The following SERINC5 variants were observed in gnomAD, a reference collection of about 807,000 sequenced individuals.
SERINC5 encodes serine incorporator 5.
In SERINC5, 41 loss-of-function variants were observed where a neutral mutation model predicts 63.1. The ratio of observed to expected loss-of-function variants is 0.65; its 90% CI spans 0.51 to 0.84. The LOEUF (loss-of-function observed/expected upper bound fraction) is 0.84. SERINC5 is among the 40% of genes least tolerant of loss of function. The pLI, the probability that SERINC5 is intolerant of heterozygous loss-of-function variation, is 0.00. For missense variants in SERINC5, 523 were observed against 573.0 expected (o/e 0.91, Z 0.89); for synonymous variants, 222 against 215.2 (o/e 1.03, Z -0.28).
rs138938982 is a variant in SERINC5 at position 80,113,591 on chromosome 5, G to A, written c.*10C>T. The stretch of plus-strand genomic sequence containing the variant: ...ACTTACAGTTCCACATGGCTGGGGA[G>A]GCCTCAGAATCATGGCAGGAGGTGA... On this transcript the variant is annotated 3_prime_UTR_variant, in exon 12 of 13. Coordinates refer to the SERINC5 transcript ENST00000509193. 1,101 of 274,362 alleles carry A rather than the reference G, an allele frequency of 4.0e-3. 6 individuals are homozygous for A. Among genetic ancestry groups the A allele is most frequent in the African/African-American group, 0.023 (1,015 of 44,420 alleles). The allele number at this position is 274,362 out of a possible 1,614,324, so 17.0% of individuals were successfully genotyped here. A position where few individuals can be genotyped will look rare whatever the true frequency, so the allele number is the denominator to read the frequency against.
chr5:80,166,361 G>A, intron 7 of SERINC5, 22 bp downstream of exon 7: 1 of 1,484,772 alleles, frequency 6.7e-7, no homozygotes, highest in Non-Finnish European at 9.2e-7. Flanking sequence ...GCAAACACAA[G>A]CCCACTAACA....
rs903360238 is a variant in SERINC5 at position 80,142,622 on chromosome 5, G to A, written c.*1041C>T. ...ACTCCAAGGATGCCAGCATGAACCTGAACGGTATGGTCACGTTACAGATCC... is the reference window on the plus strand; with the variant it reads ...ACTCCAAGGATGCCAGCATGAACCTAAACGGTATGGTCACGTTACAGATCC... On this transcript the variant is annotated 3_prime_UTR_variant, in exon 12 of 12. Transcript: ENST00000507668. 1 of 985,384 alleles carries A rather than the reference G, an allele frequency of 1.0e-6. No individual in the cohort carries two copies. 61.0% of individuals were successfully genotyped at this position (985,384 alleles called of 1,614,324 possible).
intron 2 of SERINC5, among the ~76,000 whole-genome samples, chr5:80,181,933 C>G (rs1748456214): frequency 6.6e-6 from 1 of 152,224 alleles, no homozygotes; most frequent in African/African-American, 2.4e-5. Flanking sequence ...ATTGCTCTCC[C>G]TGGACTACTT....
chr5:80,165,689 T>C (rs1280726166), intron 7 of SERINC5, among the ~76,000 whole-genome samples: 1 of 152,192 alleles, frequency 6.6e-6, no homozygotes, highest in Non-Finnish European at 1.5e-5. Context: ...TGTGCTCAGA[T>C]CCTGCTCCCT....
intron 2 of SERINC5, among the ~76,000 whole-genome samples, chr5:80,196,880 C>T (rs1371353953): frequency 6.6e-6 from 1 of 151,532 alleles, no homozygotes; most frequent in African/African-American, 2.4e-5. Flanking sequence ...GCGGGGGTTG[C>T]TGTGAGCCGA....
chr5:80,182,071 G>A (rs966740184), intron 2 of SERINC5, among the ~76,000 whole-genome samples: 3 of 152,186 alleles, frequency 2.0e-5, no homozygotes, highest in Admixed American at 6.5e-5. Context: ...ATACTGACTG[G>A]CTGGTGCAGA....
In SERINC5 at chr5:80,175,720, C is replaced by T. The variant is rs569652549; in HGVS notation, c.458-673G>A. On this transcript the variant is annotated intron_variant, in intron 4 of 11. Coordinates refer to ENST00000507668, the MANE Select transcript of SERINC5 (RefSeq NM_001174072.3). ...CCTGACTCTACTTAAAAAAAAACTCCAGGCATAGTGGCGGGTGCCTGTAAT... is the reference window on the plus strand; with the variant it reads ...CCTGACTCTACTTAAAAAAAAACTCTAGGCATAGTGGCGGGTGCCTGTAAT... Among the ~76,000 whole-genome samples, 4 of 151,712 alleles carry T rather than the reference C, an allele frequency of 2.6e-5. No individual in the cohort carries two copies. In the East Asian group the frequency reaches 7.8e-4, roughly 30 times the overall value.
At chr5:80,175,772 G>A (rs1458735242) in intron 4 of SERINC5, among the ~76,000 whole-genome samples, 6 of 149,872 alleles carry the variant, frequency 4.0e-5, no homozygotes, top group African/African-American at 1.5e-4. Flanking sequence ...GCTGAGGCAG[G>A]AGAATCACTT....
chr5:80,230,839 A>C (rs1751410489), intron 1 of SERINC5, among the ~76,000 whole-genome samples: 1 of 151,386 alleles, frequency 6.6e-6, no homozygotes, highest in Non-Finnish European at 1.5e-5. Context: ...TCTTTCTGAC[A>C]GTATTCTATC....
chr5:80,193,926 A>C (rs1042861362), intron 2 of SERINC5, among the ~76,000 whole-genome samples: 3 of 152,164 alleles, frequency 2.0e-5, no homozygotes, highest in African/African-American at 7.2e-5. Flanking sequence ...AGGGGAGGGA[A>C]CTCAGAGGAT....
Position 80,132,310 on chromosome 5 carries a change from G to A in SERINC5, c.1238+13780C>T, listed in dbSNP as rs139555387. Among the ~76,000 whole-genome samples, 827 of 152,208 alleles carry A rather than the reference G, an allele frequency of 5.4e-3. 9 individuals carry two copies. Among genetic ancestry groups the A allele is most frequent in the African/African-American group, 0.019 (783 of 41,478 alleles). ...TCCTGAAATTCCTAGACCCCCTCCT[G>A]CTTCTGTAAGGAACTCCAGGTCTGG... is the stretch of plus-strand genomic sequence containing the variant. On this transcript the variant is annotated intron_variant, in intron 11 of 12. Transcript: ENST00000509193.
chr5:80,167,980 A>G (rs1167714038), intron 6 of SERINC5, among the ~76,000 whole-genome samples: 5 of 152,230 alleles, frequency 3.3e-5, no homozygotes, highest in Admixed American at 2.6e-4. Flanking sequence ...TGGCAAGGGA[A>G]TAAGATTTTC....
rs2112384105 is a variant in SERINC5, at chr5:80,169,366, T to C, written c.732A>G (p.Ser244=). The C allele has an allele frequency of 1.2e-6, 2 of 1,613,946 alleles. No homozygotes were observed. Among genetic ancestry groups the C allele is most frequent in the Non-Finnish European group, 1.7e-6 (2 of 1,179,836 alleles). ...GGACCCAGGGTGAGATGGCTACCAA[T>C]GATATAAGCAGGCACAGGCCTCCAT... The part of the protein sequence containing the change: ...GVNGGLCLLI[S]LVAISPWVQN... The change falls in exon 6 of 12, where the codon TCA becomes TCG. Residue 244 remains serine, a synonymous_variant. Transcript: ENST00000507668.
chr5:80,147,188 TAG>T (rs1260909233), intron 10 of SERINC5, 55 bp downstream of exon 10: 19 of 1,466,350 alleles, frequency 1.3e-5, no homozygotes, highest in Non-Finnish European at 1.5e-5. Context: ...GACTACAGAT[TAG>T]AGTTATAGGT....
intron 11 of SERINC5, among the ~76,000 whole-genome samples, chr5:80,133,078 CTGG>C (rs1745010645): frequency 6.6e-6 from 1 of 152,094 alleles, no homozygotes; most frequent in South Asian, 2.1e-4. Flanking sequence ...CTCATGAGAT[CTGG>C]TTGTGTGTGG....
chr5:80,184,851 G>C (rs1327887007), intron 2 of SERINC5, among the ~76,000 whole-genome samples: 3 of 152,116 alleles, frequency 2.0e-5, no homozygotes, highest in Non-Finnish European at 2.9e-5. Flanking sequence ...CCCAAGGACA[G>C]GGCACTTAAG....
intron 1 of SERINC5, among the ~76,000 whole-genome samples, chr5:80,254,666 T>C (rs1752569201): frequency 6.6e-6 from 1 of 152,200 alleles, no homozygotes; most frequent in African/African-American, 2.4e-5. Context: ...CTCAAATACC[T>C]GGTAAGGTGG....
At chr5:80,116,456 T>C (rs1194211372) in intron 11 of SERINC5, 1 of 407,392 alleles carries the variant, frequency 2.5e-6, no homozygotes, top group Non-Finnish European at 4.8e-6. Context: ...CTCCGTTCCC[T>C]TCCCTGGGAC....
In SERINC5 at chr5:80,142,897, A is replaced by G; in HGVS notation, c.*766T>C. The G allele has an allele frequency of 1.0e-6, 1 of 985,448 alleles. No individual in the cohort carries two copies. The highest frequency in any genetic ancestry group is 4.7e-5 in the South Asian group (1 of 21,290). The allele number at this position is 985,448 out of a possible 1,614,324, so 61.0% of individuals were successfully genotyped here. A position where few individuals can be genotyped will look rare whatever the true frequency, so the allele number is the denominator to read the frequency against. ...AATCATGTGAATAACACCATAAATAAGCGCCGTACTTATTGCAGTAACTCG... is the reference window on the plus strand; with the variant it reads ...AATCATGTGAATAACACCATAAATAGGCGCCGTACTTATTGCAGTAACTCG... On this transcript the variant is annotated 3_prime_UTR_variant, in exon 12 of 12. Coordinates refer to ENST00000507668, the MANE Select transcript of SERINC5 (RefSeq NM_001174072.3).
Sources: gnomAD v4.1 joint callset for allele counts (sites outside exome capture counted in the v4.1 genomes callset) on GRCh38, gnomAD v4.1.1 for gene constraint, MANE v1.5 for transcripts, NCBI Gene and HGNC (gene_info 2026-07-23, HGNC 2026-07-21) for gene names.